Variants in CSMD1 observed in about 807,000 individuals in gnomAD.
The protein encoded by CSMD1 is CUB and Sushi multiple domains 1.
In CSMD1, 213 loss-of-function variants were observed where a neutral mutation model predicts 417.5. That is an observed-to-expected ratio of 0.51 (90% confidence interval 0.46 to 0.57). The LOEUF (loss-of-function observed/expected upper bound fraction) is 0.57, where lower values mean the gene tolerates loss of function less well. Among genes scored for constraint, CSMD1 ranks in the 20% least tolerant of loss-of-function variants. The pLI, the probability that CSMD1 is intolerant of heterozygous loss-of-function variation, is 0.00. For synonymous variants in CSMD1, 2,862 were observed against 1,736.8 expected (o/e 1.65, Z -16.11); for missense variants, 6,923 against 4,529.7 (o/e 1.53, Z -15.17).
chr8:4,143,292 C>A (rs35325806), intron 3 of CSMD1, among the ~76,000 whole-genome samples: 45,196 of 150,460 alleles, frequency 0.3, 8,428 homozygotes, highest in Non-Finnish European at 0.39. Context: ...CTTCAGGCCA[C>A]AGCTTTGTAG....
chr8:3,779,355 T>C (rs1013823694), intron 5 of CSMD1, among the ~76,000 whole-genome samples: 3 of 152,138 alleles, frequency 2.0e-5, no homozygotes, highest in Non-Finnish European at 2.9e-5. Flanking sequence ...TAGCTACAAA[T>C]TGTAATGACC....
At chr8:3,415,068 C>A (rs1038082772) in intron 12 of CSMD1, among the ~76,000 whole-genome samples, 1 of 152,138 alleles carries the variant, frequency 6.6e-6, no homozygotes, top group African/African-American at 2.4e-5. Flanking sequence ...AATTATTGTT[C>A]TTATTAAACT....
At chr8:3,574,833 T>G in intron 10 of CSMD1, 112 bp downstream of exon 10, 1 of 1,270,412 alleles carries the variant, frequency 7.9e-7, no homozygotes, top group Non-Finnish European at 1.1e-6. Context: ...ACTTTTAAAT[T>G]CAAACAGTAA....
chr8:4,054,873 G>C (rs1798610875), intron 3 of CSMD1, among the ~76,000 whole-genome samples: 2 of 152,126 alleles, frequency 1.3e-5, no homozygotes, highest in African/African-American at 2.4e-5. Flanking sequence ...GAAATGTTCT[G>C]TGACATACAA....
chr8:3,977,511 C>T (rs560407611), intron 5 of CSMD1, among the ~76,000 whole-genome samples: 21 of 152,194 alleles, frequency 1.4e-4, no homozygotes, highest in African/African-American at 4.8e-4. Context: ...AGGTAATTTG[C>T]TTTGACAGTT....
intron 3 of CSMD1, among the ~76,000 whole-genome samples, chr8:4,378,988 T>A (rs562810237): frequency 6.6e-6 from 1 of 152,296 alleles, no homozygotes; most frequent in South Asian, 2.1e-4. Context: ...TAATCACAGC[T>A]CAGATGGATT....
intron 1 of CSMD1, among the ~76,000 whole-genome samples, chr8:4,902,682 A>T (rs2117050108): frequency 6.6e-6 from 1 of 152,240 alleles, no homozygotes. Flanking sequence ...ACTTTTGAAT[A>T]GGTGATATAC....
chr8:4,149,568 A>T (rs1796457252), intron 3 of CSMD1, among the ~76,000 whole-genome samples: 1 of 152,240 alleles, frequency 6.6e-6, no homozygotes. Context: ...GTACAGATCA[A>T]AATCCGAACC....
At chr8:3,077,644 G>T (rs111414310) in intron 49 of CSMD1, among the ~76,000 whole-genome samples, 9 of 152,338 alleles carry the variant, frequency 5.9e-5, no homozygotes, top group African/African-American at 2.2e-4. Flanking sequence ...TTCCCCAGTA[G>T]CCTGAGGCTT....
At chr8:4,291,342 T>A (rs1320879033) in intron 3 of CSMD1, among the ~76,000 whole-genome samples, 1 of 152,142 alleles carries the variant, frequency 6.6e-6, no homozygotes, top group African/African-American at 2.4e-5. Flanking sequence ...TCCTTTAAAT[T>A]GATAAATTAC....
intron 2 of CSMD1, among the ~76,000 whole-genome samples, chr8:4,441,782 T>G (rs866657006): frequency 2.0e-5 from 3 of 152,112 alleles, no homozygotes; most frequent in African/African-American, 7.2e-5. Flanking sequence ...TAATCTTGGG[T>G]GTATCACAAG....
chr8:4,165,307 G>A (rs1186903391), intron 3 of CSMD1, among the ~76,000 whole-genome samples: 13 of 152,224 alleles, frequency 8.5e-5, no homozygotes, highest in African/African-American at 2.7e-4. Context: ...TCTGTGTGCC[G>A]GGTATCTCAG....
At chr8:3,301,762 T>C (rs1403664687) in intron 25 of CSMD1, among the ~76,000 whole-genome samples, 1 of 152,098 alleles carries the variant, frequency 6.6e-6, no homozygotes, top group Non-Finnish European at 1.5e-5. Flanking sequence ...CTGGTGCTTG[T>C]CAACGTACAG....
intron 3 of CSMD1, among the ~76,000 whole-genome samples, chr8:4,355,207 A>T (rs1448013029): frequency 1.3e-5 from 2 of 151,946 alleles, no homozygotes; most frequent in East Asian, 3.9e-4. Context: ...GCTTGCAATG[A>T]TCCGAGATCG....
intron 6 of CSMD1, among the ~76,000 whole-genome samples, chr8:3,751,727 G>A (rs1487867789): frequency 6.6e-6 from 1 of 151,778 alleles, no homozygotes; most frequent in East Asian, 1.9e-4. Context: ...TACCATCTTG[G>A]AGCAGCTTCA....
chr8:3,849,579 G>T (rs1050375704), intron 5 of CSMD1, among the ~76,000 whole-genome samples: 3 of 152,128 alleles, frequency 2.0e-5, no homozygotes, highest in African/African-American at 7.2e-5. Flanking sequence ...TTCAGCTAAT[G>T]CTCCACATGG....
chr8:4,440,613 T>G (rs945202667), intron 2 of CSMD1, among the ~76,000 whole-genome samples: 2 of 152,178 alleles, frequency 1.3e-5, no homozygotes, highest in Non-Finnish European at 2.9e-5. Flanking sequence ...GAAAGATAGG[T>G]AGTACCATGC....
At chr8:3,637,251 A>G (rs1253086353) in intron 7 of CSMD1, among the ~76,000 whole-genome samples, 2 of 152,164 alleles carry the variant, frequency 1.3e-5, no homozygotes, top group East Asian at 3.9e-4. Context: ...AATAATCCTT[A>G]CCTAAAAACA....
chr8:3,344,755 T>C (rs1807879271), intron 22 of CSMD1, among the ~76,000 whole-genome samples: 1 of 152,208 alleles, frequency 6.6e-6, no homozygotes, highest in Non-Finnish European at 1.5e-5. Flanking sequence ...AATCAATATA[T>C]AAACCCAGGG....
Sources: allele counts gnomAD v4.1 joint callset (sites outside exome capture counted in the v4.1 genomes callset), GRCh38; gene constraint gnomAD v4.1.1; transcripts MANE v1.5; gene names NCBI Gene and HGNC (gene_info 2026-07-23, HGNC 2026-07-21).